Variants in PRMT3 observed in about 807,000 individuals in gnomAD.
PRMT3 encodes protein arginine N-methyltransferase 3.
PRMT3 carries 62 observed loss-of-function variants against 71.9 expected under a neutral mutation model. The observed-to-expected ratio is 0.86, with a 90% CI of 0.70 to 1.07. PRMT3 has a LOEUF of 1.07. Ranked by LOEUF, PRMT3 falls within the 50% of genes least tolerant of loss-of-function variation. The pLI is 0.00. For synonymous variants in PRMT3, 213 were observed against 220.4 expected (o/e 0.97, Z 0.30); for missense variants, 663 against 643.0 (o/e 1.03, Z -0.34).
intron 9 of PRMT3, among the ~76,000 whole-genome samples, chr11:20,423,404 A>G (rs1256316055): frequency 6.6e-6 from 1 of 152,212 alleles, no homozygotes; most frequent in Admixed American, 6.5e-5. Flanking sequence ...TCCATGGGCC[A>G]GCTACCTGTT....
chr11:20,465,889 A>G (rs763696833), intron 13 of PRMT3, among the ~76,000 whole-genome samples: 6 of 152,148 alleles, frequency 3.9e-5, no homozygotes, highest in Non-Finnish European at 7.4e-5. Context: ...TTTTGTTTTG[A>G]TATTATTAAT....
intron 9 of PRMT3, among the ~76,000 whole-genome samples, chr11:20,409,720 A>T (rs981031626): frequency 6.6e-6 from 1 of 151,954 alleles, no homozygotes; most frequent in Non-Finnish European, 1.5e-5. Flanking sequence ...AGAATTACAC[A>T]TACATATATA....
chr11:20,494,165 A>T lies in PRMT3; in HGVS notation c.1399-2A>T, dbSNP rs201771618. ...AAATACCTTTGAACTTTACCAATTC[A>T]GGTCGTGTTCTCTACGGGCCCTCAG... On this transcript the variant is annotated splice_acceptor_variant, in intron 14 of 15. Coordinates refer to ENST00000331079, the MANE Select transcript of PRMT3 (RefSeq NM_005788.4). LOFTEE classifies it high-confidence loss of function. 1.5e-5 allele frequency: 24 copies of T among 1,598,322 alleles called. No individual in the cohort carries two copies. The highest frequency in any genetic ancestry group is 2.0e-5 in the Non-Finnish European group (23 of 1,166,090).
At chr11:20,468,253 C>T (rs1850558445) in intron 13 of PRMT3, among the ~76,000 whole-genome samples, 1 of 152,122 alleles carries the variant, frequency 6.6e-6, no homozygotes, top group African/African-American at 2.4e-5. Context: ...TGCTTTTCTT[C>T]TTGTGTTGAA....
intron 15 of PRMT3, among the ~76,000 whole-genome samples, chr11:20,499,467 AT>A (rs990927207): frequency 2.0e-5 from 3 of 152,124 alleles, no homozygotes; most frequent in Non-Finnish European, 2.9e-5. Context: ...AAGAAAAAAA[AT>A]TTTTTTTAAT....
At chr11:20,479,150 T>G (rs374319006) in intron 13 of PRMT3, among the ~76,000 whole-genome samples, 1 of 152,210 alleles carries the variant, frequency 6.6e-6, no homozygotes, top group East Asian at 1.9e-4. Context: ...AGGCTCCTCC[T>G]TGTGAATGAC....
Position 20,389,809 on chromosome 11 carries a change from G to A in PRMT3, c.230G>A (p.Ser77Asn), listed in dbSNP as rs749882719. The A allele has an allele frequency of 1.9e-6, 3 of 1,609,912 alleles. No homozygotes were observed. Among genetic ancestry groups the A allele is most frequent in the South Asian group, 2.2e-5 (2 of 90,910 alleles). The change falls in exon 3 of 16, where the codon AGC (serine) becomes AAC (asparagine). Residue 77 changes from serine (S) to asparagine (N), a missense_variant. Coordinates refer to ENST00000331079, the MANE Select transcript of PRMT3 (RefSeq NM_005788.4). ...CKSEHQFNID[S>N]MVHKHGLEFY... Reference sequence around the variant, plus strand: ...TCTGAGCATCAGTTTAATATTGACAGCATGGTTCATAAACATGGTGAGTAG... The same window carrying A: ...TCTGAGCATCAGTTTAATATTGACAACATGGTTCATAAACATGGTGAGTAG...
intron 15 of PRMT3, among the ~76,000 whole-genome samples, chr11:20,499,532 CAGG>C (rs1237769712): frequency 6.6e-6 from 1 of 152,082 alleles, no homozygotes; most frequent in Non-Finnish European, 1.5e-5. Context: ...GAGGCTGAGG[CAGG>C]AGGATTGCTT....
Position 20,462,023 on chromosome 11 carries a change from T to C in PRMT3, c.1116T>C (p.Asp372=), listed in dbSNP as rs1218213762. Residue 372 remains aspartate (D), a synonymous_variant, in exon 12 of 16, where the codon GAT becomes GAC. Transcript: ENST00000331079. ...ICTISLVAVS[D]VNKHADRIAF... is the part of the protein sequence containing the mutation. ...CTATCAGCCTTGTAGCAGTGAGTGATGTGAATAAACATGCTGATAGAATTG... is the reference window on the plus strand; with the variant it reads ...CTATCAGCCTTGTAGCAGTGAGTGACGTGAATAAACATGCTGATAGAATTG... 1.9e-6 allele frequency: 3 copies of C among 1,611,076 alleles called. No individual in the cohort carries two copies. Among genetic ancestry groups the C allele is most frequent in the Admixed American group, 1.7e-5 (1 of 59,948 alleles).
chr11:20,402,824 C>G, intron 7 of PRMT3, 95 bp from the exon 8 acceptor site: 1 of 865,522 alleles, frequency 1.2e-6, no homozygotes, highest in Non-Finnish European at 1.8e-6. Context: ...GCTATGGAAA[C>G]TAGCAATGTG....
rs1183752882 is a variant in PRMT3, at chr11:20,509,246, GAATAA to G, written c.*837_*841del. ...AATTACTGATTCAATTTGAAATGTAGAATAAAATTTTAATAAAATGTATCAACTTA... is the reference window on the plus strand; with the variant it reads ...AATTACTGATTCAATTTGAAATGTAGAATTTTAATAAAATGTATCAACTTA... On this transcript the variant is annotated 3_prime_UTR_variant, in exon 16 of 16. Transcript: ENST00000331079. 7.0e-6 allele frequency: 1 copy of G among 143,440 alleles called. No individual in the cohort carries two copies. Among genetic ancestry groups the G allele is most frequent in the African/African-American group, 2.5e-5 (1 of 39,700 alleles). 8.9% of individuals were successfully genotyped at this position (143,440 alleles called of 1,614,324 possible). A position where few individuals can be genotyped will look rare whatever the true frequency, so the allele number is the denominator to read the frequency against.
chr11:20,455,597 G>A (rs549722263), intron 11 of PRMT3, among the ~76,000 whole-genome samples: 2 of 151,954 alleles, frequency 1.3e-5, no homozygotes, highest in South Asian at 4.2e-4. Flanking sequence ...CACCTTCTTC[G>A]GGTCAAATGA....
chr11:20,453,507 C>A (rs1850200222), intron 11 of PRMT3, among the ~76,000 whole-genome samples: 1 of 150,864 alleles, frequency 6.6e-6, no homozygotes, highest in Non-Finnish European at 1.5e-5. Flanking sequence ...TCAGTAAGGC[C>A]AAAACATAAA....
In PRMT3 at chr11:20,508,808, AAC is replaced by A. The variant is rs1473918066; in HGVS notation, c.*399_*400del. On this transcript the variant is annotated 3_prime_UTR_variant, in exon 16 of 16. Coordinates refer to ENST00000331079, the MANE Select transcript of PRMT3 (RefSeq NM_005788.4). ...TATTTGGATATTTTATTAAACTAGT[AAC>A]ACAGGTACTACACATTTTATTATGG... 13 of 296,716 alleles carry A rather than the reference AAC, an allele frequency of 4.4e-5. No individual in the cohort carries two copies. Among genetic ancestry groups the A allele is most frequent in the Admixed American group, 2.0e-4 (5 of 24,542 alleles). 18.4% of individuals were successfully genotyped at this position (296,716 alleles called of 1,614,324 possible). A position where few individuals can be genotyped will look rare whatever the true frequency, so the allele number is the denominator to read the frequency against.
At chr11:20,497,258 C>G (rs569066979) in intron 15 of PRMT3, among the ~76,000 whole-genome samples, 1 of 152,106 alleles carries the variant, frequency 6.6e-6, no homozygotes, top group African/African-American at 2.4e-5. Context: ...CTTAGAGTAA[C>G]TGGTTTGTGC....
At chr11:20,418,998 T>C (rs746092630) in intron 9 of PRMT3, among the ~76,000 whole-genome samples, 3 of 152,188 alleles carry the variant, frequency 2.0e-5, no homozygotes, top group Non-Finnish European at 2.9e-5. Flanking sequence ...TTTGTTATGA[T>C]CAGTTTTTAC....
rs998687639 is a variant in PRMT3 at position 20,407,821 on chromosome 11, C to G, written c.772-90C>G. ...GATTTTTATTGTGATCTTTTCCTAG[C>G]CAGAAACATCATAATATATGAATAG... On this transcript the variant is annotated intron_variant, in intron 8 of 15. Coordinates refer to ENST00000331079, the MANE Select transcript of PRMT3 (RefSeq NM_005788.4). The G allele has an allele frequency of 3.1e-6, 4 of 1,289,556 alleles. No individual in the cohort carries two copies. In the Admixed American group the frequency reaches 7.5e-5, roughly 24 times the overall value. 79.9% of individuals were successfully genotyped at this position (1,289,556 alleles called of 1,614,324 possible). A position where few individuals can be genotyped will look rare whatever the true frequency, so the allele number is the denominator to read the frequency against.
intron 13 of PRMT3, among the ~76,000 whole-genome samples, chr11:20,470,975 C>T (rs1850630139): frequency 6.6e-6 from 1 of 152,126 alleles, no homozygotes; most frequent in Non-Finnish European, 1.5e-5. Context: ...ATTTACGTTT[C>T]TCTAATGATC....
chr11:20,446,819 G>C (rs893805223), intron 10 of PRMT3, among the ~76,000 whole-genome samples: 2 of 152,140 alleles, frequency 1.3e-5, no homozygotes, highest in Non-Finnish European at 2.9e-5. Context: ...TAAGTGCAAA[G>C]GGTAAAGGTA....
Sources: gnomAD v4.1 joint callset for allele counts (sites outside exome capture counted in the v4.1 genomes callset) on GRCh38, gnomAD v4.1.1 for gene constraint, MANE v1.5 for transcripts, NCBI Gene and HGNC (gene_info 2026-07-23, HGNC 2026-07-21) for gene names.